Variants in CBLC observed in about 807,000 individuals in gnomAD.
CBLC encodes Cbl proto-oncogene C.
CBLC carries 46 observed loss-of-function variants against 58.6 expected under a neutral mutation model. The observed-to-expected ratio is 0.79, with a 90% CI of 0.62 to 1.00. The LOEUF is 1.00. CBLC is among the 50% of genes least tolerant of loss of function. The pLI is 0.00. For missense variants in CBLC, 655 were observed against 625.8 expected (o/e 1.05, Z -0.50); for synonymous variants, 271 against 264.2 (o/e 1.03, Z -0.25).
rs2122364305 is a variant in CBLC, at chr19:44,778,114, TCGGCGGGCGGCCGGCGGAGG to T, written c.188_207del (p.Arg63ProfsTer105). 1 of 1,600,898 alleles carries T rather than the reference TCGGCGGGCGGCCGGCGGAGG, an allele frequency of 6.2e-7. No individual in the cohort carries two copies. The highest frequency in any genetic ancestry group is 2.2e-5 in the East Asian group (1 of 44,560). On this transcript the variant is annotated frameshift_variant, in exon 1 of 11. Transcript: ENST00000647358. LOFTEE classifies it high-confidence loss of function. ...AGCTGCTTCGAGAGGTGGCCCATTC[TCGGCGGGCGGCCGGCGGAGG>T]CGGCCCCGGGGGTCCCGGCGGCTCT... is the stretch of plus-strand genomic sequence containing the variant.
intron 5 of CBLC, among the ~76,000 whole-genome samples, chr19:44,785,558 AG>A (rs1967880547): frequency 6.8e-6 from 1 of 147,006 alleles, no homozygotes; most frequent in East Asian, 1.9e-4. Context: ...ATAGATAGAT[AG>A]ATAGATAGAT....
At chr19:44,795,813 A>G (rs1292494068) in intron 9 of CBLC, among the ~76,000 whole-genome samples, 1 of 152,148 alleles carries the variant, frequency 6.6e-6, no homozygotes, top group African/African-American at 2.4e-5. Context: ...TCATATCTCC[A>G]GAGTGCAGAA....
rs200015142 is a variant in CBLC at position 44,800,392 on chromosome 19, G to A, written c.1374G>A (p.Lys458=). 53 of 1,612,654 alleles carry A rather than the reference G, an allele frequency of 3.3e-5. No homozygotes were observed. The Middle Eastern group carries it at 6.6e-4, about 20-fold the overall frequency. ...RNAQPKVRLL[K]GNSPPAALGP... Reference sequence around the variant, plus strand: ...TATCTCCATTGCAGAGACTCCTAAAGGGGAACTCCCCTCCAGCTGCGCTGG... The same window carrying A: ...TATCTCCATTGCAGAGACTCCTAAAAGGGAACTCCCCTCCAGCTGCGCTGG... The change falls in exon 10 of 11, where the codon AAG becomes AAA. Residue 458 remains lysine (K), a synonymous_variant. Coordinates refer to ENST00000647358, the MANE Select transcript of CBLC (RefSeq NM_012116.4).
intron 7 of CBLC, among the ~76,000 whole-genome samples, chr19:44,793,068 C>T (rs566983721): frequency 1.1e-4 from 16 of 152,304 alleles, no homozygotes; most frequent in Non-Finnish European, 2.1e-4. Context: ...ATGAGAATCA[C>T]TTGAACCTGG....
At chr19:44,782,777 G>C (rs1967784941) in intron 4 of CBLC, among the ~76,000 whole-genome samples, 1 of 152,216 alleles carries the variant, frequency 6.6e-6, no homozygotes, top group South Asian at 2.1e-4. Context: ...TGGTAGGTCA[G>C]AGTCATGTTG....
chr19:44,798,129 C>T (rs1968216365), intron 9 of CBLC, among the ~76,000 whole-genome samples: 1 of 152,146 alleles, frequency 6.6e-6, no homozygotes, highest in South Asian at 2.1e-4. Flanking sequence ...CTGAGGACCT[C>T]TCTGACCCTC....
chr19:44,777,987 G>A lies in CBLC; in HGVS notation c.56G>A (p.Gly19Asp). 6.2e-7 allele frequency: 1 copy of A among 1,607,568 alleles called. No individual in the cohort carries two copies. The highest frequency in any genetic ancestry group is 1.7e-4 in the Middle Eastern group (1 of 6,046). The change falls in exon 1 of 11, where the codon GGC becomes GAC. Residue 19 changes from glycine (G) to aspartate (D), a missense_variant. By Grantham distance (94) the Gly-to-Asp change is moderately conservative. This residue lies in a region of CBLC where 280 missense variants were observed against 237.2 expected (regional missense o/e 1.18). Coordinates refer to ENST00000647358, the MANE Select transcript of CBLC (RefSeq NM_012116.4). ...GRQWEEARAL[G>D]RAVRMLQRLE... ...CAGTGGGAAGAGGCCCGCGCCCTGG[G>A]CCGGGCAGTCAGGATGCTGCAGCGC...
intron 9 of CBLC, among the ~76,000 whole-genome samples, chr19:44,796,607 A>T (rs962614818): frequency 2.0e-5 from 3 of 151,804 alleles, no homozygotes; most frequent in Non-Finnish European, 2.9e-5. Context: ...CTGGTCTCGA[A>T]CTCCCAACCT....
intron 6 of CBLC, 72 bp from the exon 7 acceptor site, chr19:44,792,311 C>G (rs1968072491): frequency 1.2e-5 from 19 of 1,570,830 alleles, no homozygotes; most frequent in Non-Finnish European, 1.5e-5. Flanking sequence ...GGATTTTCTT[C>G]CTGTGGCCCA....
intron 5 of CBLC, among the ~76,000 whole-genome samples, chr19:44,787,263 G>C (rs965891802): frequency 2.0e-5 from 3 of 151,718 alleles, no homozygotes; most frequent in Non-Finnish European, 4.4e-5. Flanking sequence ...GCGCAGTGGC[G>C]GGCGTCTGTA....
At chr19:44,792,170 T>A (rs1436354186) in intron 6 of CBLC, among the ~76,000 whole-genome samples, 1 of 151,856 alleles carries the variant, frequency 6.6e-6, no homozygotes, top group Non-Finnish European at 1.5e-5. Flanking sequence ...ATTTTTGTAT[T>A]TTTAGTAGAG....
At chr19:44,799,417 C>T (rs1437684091) in intron 9 of CBLC, among the ~76,000 whole-genome samples, 1 of 152,168 alleles carries the variant, frequency 6.6e-6, no homozygotes, top group Non-Finnish European at 1.5e-5. Context: ...ATGGCAATCC[C>T]CACCTCCTGG....
Position 44,780,975 on chromosome 19 carries a change from G to A in CBLC, c.424G>A (p.Gly142Arg). Residue 142 changes from glycine to arginine, a missense_variant, in exon 2 of 11, where the codon GGA (glycine) becomes AGA (arginine). Gly to Arg is a moderately radical substitution (Grantham distance 125). Coordinates refer to ENST00000647358, the MANE Select transcript of CBLC (RefSeq NM_012116.4). ...AGAGCTGCACGCACTCTTCCCCGGG[G>A]GAAAGTACTGTGGACACATGTACCA... Reference protein sequence around the residue: ...HAELHALFPGGKYCGHMYQLT... With the variant: ...HAELHALFPGRKYCGHMYQLT... 2 of 1,613,552 alleles carry A rather than the reference G, an allele frequency of 1.2e-6. No homozygotes were observed. Among genetic ancestry groups the A allele is most frequent in the Non-Finnish European group, 1.7e-6 (2 of 1,179,998 alleles).
intron 5 of CBLC, among the ~76,000 whole-genome samples, chr19:44,789,192 CT>C (rs1325578602): frequency 1.3e-5 from 2 of 152,168 alleles, no homozygotes; most frequent in African/African-American, 4.8e-5. Context: ...CTCTCTGGTC[CT>C]TGCTGTGTGA....
intron 1 of CBLC, among the ~76,000 whole-genome samples, chr19:44,780,514 C>T (rs1967693286): frequency 7.4e-6 from 1 of 134,996 alleles, no homozygotes; most frequent in Non-Finnish European, 1.5e-5. Context: ...ATTCTGTCAT[C>T]CAGGCTGGAG....
In CBLC at chr19:44,790,053, G is replaced by C; in HGVS notation, c.967G>C (p.Gly323Arg). ...CCACAACCCAGACCTGACTGAGCTC[G>C]GCCAGGCAGAACCCCAGCAGCGCAT... is the stretch of plus-strand genomic sequence containing the variant. ...KTHNPDLTEL[G>R]QAEPQQRIHV... Residue 323 changes from glycine (G) to arginine (R), a missense_variant, in exon 6 of 11, where the codon GGC becomes CGC. Physicochemically the swap from Gly to Arg is moderately radical, Grantham distance 125 (BLOSUM62 -2). Transcript: ENST00000647358. The C allele has an allele frequency of 6.2e-7, 1 of 1,613,836 alleles. No homozygotes were observed. Among genetic ancestry groups the C allele is most frequent in the Non-Finnish European group, 8.5e-7 (1 of 1,179,968 alleles).
At chr19:44,785,284 A>AT (rs1199895973) in intron 5 of CBLC, among the ~76,000 whole-genome samples, 1 of 151,246 alleles carries the variant, frequency 6.6e-6, no homozygotes, top group Non-Finnish European at 1.5e-5. Flanking sequence ...TAAGTTTTGG[A>AT]TTTTTAATAG....
intron 9 of CBLC, among the ~76,000 whole-genome samples, chr19:44,797,544 G>A (rs1473854618): frequency 1.3e-5 from 2 of 148,900 alleles, no homozygotes; most frequent in Non-Finnish European, 3.0e-5. Context: ...GGCCCCGCCT[G>A]TCATAACTTT....
chr19:44,785,406 A>G (rs1945999131), intron 5 of CBLC, among the ~76,000 whole-genome samples: 2 of 151,814 alleles, frequency 1.3e-5, no homozygotes, highest in Admixed American at 1.3e-4. Flanking sequence ...GTGCCCGGCC[A>G]GGAAGACAGG....
Sources: allele counts gnomAD v4.1 joint callset (sites outside exome capture counted in the v4.1 genomes callset), GRCh38; gene constraint gnomAD v4.1.1; regional missense constraint gnomAD v4.1.1; transcripts MANE v1.5; gene names NCBI Gene and HGNC (gene_info 2026-07-23, HGNC 2026-07-21).